The following SHANK2 variants were observed in gnomAD, a reference collection of about 807,000 sequenced individuals.
The protein encoded by SHANK2 is SH3 and multiple ankyrin repeat domains 2.
Under a neutral mutation model 133.7 loss-of-function variants are expected in SHANK2, and 43 were observed. The ratio of observed to expected loss-of-function variants is 0.32; its 90% CI spans 0.25 to 0.41. SHANK2 has a LOEUF of 0.41. Among genes scored for constraint, SHANK2 ranks in the 10% least tolerant of loss-of-function variants. SHANK2 has a pLI of 1.00. For synonymous variants in SHANK2, 1,017 were observed against 952.8 expected, an observed-to-expected ratio of 1.07 and a Z score of -1.24; for missense variants, 1,994 against 2,235.8, an observed-to-expected ratio of 0.89 and a Z score of 2.18.
intron 2 of SHANK2, among the ~76,000 whole-genome samples, chr11:71,147,569 G>C (rs566220601): frequency 6.6e-6 from 1 of 152,304 alleles, no homozygotes; most frequent in South Asian, 2.1e-4. Flanking sequence ...AGAGGCGGCA[G>C]CCAGGACCCA....
intron 14 of SHANK2, among the ~76,000 whole-genome samples, chr11:70,791,634 G>A (rs4980647): frequency 0.081 from 12,359 of 152,224 alleles, 602 homozygotes; most frequent in South Asian, 0.14. Flanking sequence ...GAATAGACCC[G>A]GATATGTTTC....
intron 17 of SHANK2, among the ~76,000 whole-genome samples, chr11:70,629,811 C>T (rs1473316559): frequency 6.6e-6 from 1 of 152,176 alleles, no homozygotes; most frequent in Non-Finnish European, 1.5e-5. Flanking sequence ...CCCAAGTGTG[C>T]AATGAAGGGC....
chr11:70,939,196 G>A (rs1406567499), intron 10 of SHANK2, among the ~76,000 whole-genome samples: 1 of 152,160 alleles, frequency 6.6e-6, no homozygotes, highest in Admixed American at 6.5e-5. Flanking sequence ...AAGATCTCGT[G>A]CACTTACGTT....
At chr11:70,713,671 GCCGGGTGTCCGTCACAGCA>G (rs1193545191) in intron 14 of SHANK2, among the ~76,000 whole-genome samples, 19 of 152,158 alleles carry the variant, frequency 1.2e-4, no homozygotes, top group Admixed American at 2.6e-4. Flanking sequence ...CTGTCACAGC[GCCGGGTGTCCGTCACAGCA>G]CCGGGTGTCC....
intron 1 of SHANK2, among the ~76,000 whole-genome samples, chr11:71,246,774 C>G (rs1247894283): frequency 6.6e-6 from 1 of 152,088 alleles, no homozygotes; most frequent in African/African-American, 2.4e-5. Context: ...AGGTGAAGGG[C>G]CCTCCTGATA....
At chr11:70,676,756 G>A (rs371088152) in intron 15 of SHANK2, among the ~76,000 whole-genome samples, 5 of 152,310 alleles carry the variant, frequency 3.3e-5, no homozygotes, top group African/African-American at 1.2e-4. Flanking sequence ...TATATTCTGG[G>A]TTGGGAAACA....
At chr11:70,860,591 C>T (rs191695503) in intron 11 of SHANK2, among the ~76,000 whole-genome samples, 9 of 152,284 alleles carry the variant, frequency 5.9e-5, no homozygotes, top group Admixed American at 1.3e-4. Context: ...GGTGAATGAA[C>T]GAGGACAAAT....
At position 70,487,085 on chromosome 11, in the gene SHANK2, C is replaced by G; in HGVS notation, c.3208G>C (p.Glu1070Gln). The part of the protein sequence containing the change: ...PEPPSQLRPD[E>Q]SLTVSSPFAA... The stretch of plus-strand genomic sequence containing the variant: ...AAGGGGCTGCTGACGGTCAGGCTTT[C>G]GTCAGGCCGCAGCTGGCTCGGTGGC... Residue 1070 changes from glutamate (E) to glutamine (Q), a missense_variant, in exon 25 of 26, where the codon GAA becomes CAA. Coordinates refer to ENST00000601538, the MANE Select transcript of SHANK2 (RefSeq NM_012309.5). The surrounding 1 kb of genome is among the most constrained non-coding windows in gnomAD (Gnocchi z 5.8). The G allele has an allele frequency of 6.2e-7, 1 of 1,610,194 alleles. No individual in the cohort carries two copies. The highest frequency in any genetic ancestry group is 8.5e-7 in the Non-Finnish European group (1 of 1,179,894).
chr11:70,860,192 T>C (rs1370452405), intron 11 of SHANK2, among the ~76,000 whole-genome samples: 1 of 152,068 alleles, frequency 6.6e-6, no homozygotes, highest in Non-Finnish European at 1.5e-5. Context: ...GCCACCTCCA[T>C]ACCCTATCAC....
intron 11 of SHANK2, among the ~76,000 whole-genome samples, chr11:70,851,067 G>A (rs1555065304): frequency 2.0e-5 from 3 of 152,180 alleles, no homozygotes; most frequent in African/African-American, 7.2e-5. Context: ...CAGCCCTGTA[G>A]GGACTGTCAG....
intron 10 of SHANK2, among the ~76,000 whole-genome samples, chr11:70,936,618 C>T (rs1298476099): frequency 6.6e-6 from 1 of 152,212 alleles, no homozygotes; most frequent in Non-Finnish European, 1.5e-5. Context: ...CTATTTATTT[C>T]TCTATCTTGT....
intron 17 of SHANK2, among the ~76,000 whole-genome samples, chr11:70,558,886 C>T (rs1554980203): frequency 6.6e-6 from 1 of 152,186 alleles, no homozygotes; most frequent in East Asian, 1.9e-4. Flanking sequence ...GAAAGCAGCC[C>T]CCGTTGGAGT....
chr11:70,489,635 C>T (rs2058857636), intron 23 of SHANK2: 3 of 511,008 alleles, frequency 5.9e-6, no homozygotes, highest in Non-Finnish European at 7.1e-6. Flanking sequence ...GGGCAAGGGC[C>T]TTAGCTTCTA....
At chr11:71,119,707 C>A (rs1952048062) in intron 3 of SHANK2, among the ~76,000 whole-genome samples, 1 of 152,052 alleles carries the variant, frequency 6.6e-6, no homozygotes, top group African/African-American at 2.4e-5. Context: ...AAACACAGGT[C>A]AGAGACCCCA....
chr11:71,127,339 T>C (rs1323690032), intron 3 of SHANK2, among the ~76,000 whole-genome samples: 3 of 152,228 alleles, frequency 2.0e-5, no homozygotes, highest in African/African-American at 7.2e-5. Flanking sequence ...ATAAACTCAG[T>C]GGATAAAGCA....
intron 12 of SHANK2, among the ~76,000 whole-genome samples, chr11:70,808,142 T>C (rs1442968622): frequency 6.6e-6 from 1 of 152,196 alleles, no homozygotes; most frequent in Non-Finnish European, 1.5e-5. Flanking sequence ...AACTGTGCAC[T>C]TCAAAATGGT....
intron 13 of SHANK2, among the ~76,000 whole-genome samples, chr11:70,802,375 C>T (rs1992675): frequency 0.039 from 5,868 of 152,224 alleles, 395 homozygotes; most frequent in African/African-American, 0.13. Context: ...TGGAAAGCAG[C>T]GGTGATTCCC....
intron 23 of SHANK2, 96 bp downstream of exon 23, chr11:70,490,180 A>G: frequency 9.3e-7 from 1 of 1,079,462 alleles, no homozygotes; most frequent in Non-Finnish European, 1.4e-6. Flanking sequence ...CGCCAAGGCA[A>G]CTGTGAGAGG....
At chr11:70,829,426 G>C (rs934973425) in intron 11 of SHANK2, among the ~76,000 whole-genome samples, 5 of 152,140 alleles carry the variant, frequency 3.3e-5, no homozygotes, top group Admixed American at 6.5e-5. Context: ...TGCCCAGGGA[G>C]AAGGGAAGGA....
Sources: gnomAD v4.1 joint callset for allele counts (sites outside exome capture counted in the v4.1 genomes callset) on GRCh38, gnomAD v4.1.1 for gene constraint, Gnocchi (gnomAD v3.1) non-coding constraint, MANE v1.5 for transcripts, NCBI Gene and HGNC (gene_info 2026-07-23, HGNC 2026-07-21) for gene names.